The following TTLL5 variants were observed in gnomAD, a reference collection of about 807,000 sequenced individuals.
TTLL5 encodes the protein tubulin polyglutamylase TTLL5.
In TTLL5, 132 loss-of-function variants were observed where a neutral mutation model predicts 168.4. That is an observed-to-expected ratio of 0.78 (90% CI 0.68 to 0.91). The LOEUF (loss-of-function observed/expected upper bound fraction) is 0.91. Ranked by LOEUF, TTLL5 falls within the 40% of genes least tolerant of loss-of-function variation. The pLI is 0.00. For synonymous variants in TTLL5, 546 were observed against 558.6 expected (o/e 0.98, Z 0.32); for missense variants, 1,545 against 1,581.5 (o/e 0.98, Z 0.39).
At chr14:75,725,009 TGACCCAGGCCTGGGATCATGGG>T (rs1368328538) in intron 12 of TTLL5, among the ~76,000 whole-genome samples, 2 of 152,220 alleles carry the variant, frequency 1.3e-5, no homozygotes, top group Non-Finnish European at 2.9e-5. Context: ...TCATGGGTTG[TGACCCAGGCCTGGGATCATGGG>T]GACAAGTTGT....
intron 31 of TTLL5, among the ~76,000 whole-genome samples, chr14:75,926,900 T>G (rs1347835482): frequency 1.3e-5 from 2 of 152,182 alleles, no homozygotes; most frequent in African/African-American, 4.8e-5. Context: ...GCCAAAAATG[T>G]GGAAACAACC....
At chr14:75,945,418 G>A (rs146600377) in intron 31 of TTLL5, among the ~76,000 whole-genome samples, 1,539 of 151,342 alleles carry the variant, frequency 0.01, 19 homozygotes, top group Non-Finnish European at 0.013. Flanking sequence ...CACCATGCTC[G>A]GCTGATTTTT....
intron 4 of TTLL5, 27 bp downstream of exon 4, chr14:75,681,654 G>A: frequency 6.3e-7 from 1 of 1,595,370 alleles, no homozygotes. Flanking sequence ...TACCTCACCT[G>A]ATCTGCTCAT....
chr14:75,876,684 A>C (rs891415912), intron 29 of TTLL5, among the ~76,000 whole-genome samples: 8 of 152,318 alleles, frequency 5.3e-5, no homozygotes, highest in African/African-American at 1.9e-4. Flanking sequence ...GAAAAGTTGT[A>C]CTGTTTCTCT....
intron 31 of TTLL5, among the ~76,000 whole-genome samples, chr14:75,914,922 C>T (rs888295851): frequency 5.3e-5 from 8 of 152,134 alleles, no homozygotes; most frequent in Admixed American, 3.9e-4. Flanking sequence ...TGTGCCCGGC[C>T]GATCGCTACT....
At chr14:75,810,334 A>T (rs1185356596) in intron 27 of TTLL5, among the ~76,000 whole-genome samples, 2 of 151,706 alleles carry the variant, frequency 1.3e-5, no homozygotes, top group Non-Finnish European at 2.9e-5. Context: ...TAACTAAATC[A>T]TCTTCTCTCT....
intron 2 of TTLL5, among the ~76,000 whole-genome samples, chr14:75,667,591 T>C (rs1243318169): frequency 6.6e-6 from 1 of 152,068 alleles, no homozygotes; most frequent in African/African-American, 2.4e-5. Context: ...ACAATAAGCA[T>C]CCACATGCCA....
At chr14:75,864,065 G>A (rs2030297482) in intron 29 of TTLL5, among the ~76,000 whole-genome samples, 1 of 151,998 alleles carries the variant, frequency 6.6e-6, no homozygotes, top group African/African-American at 2.4e-5. Context: ...TGAAAGTGAT[G>A]CTTAACCAGT....
intron 31 of TTLL5, chr14:75,906,764 G>A (rs1164796078): frequency 8.2e-6 from 8 of 971,360 alleles, no homozygotes; most frequent in African/African-American, 1.8e-5. Flanking sequence ...ACCAAAAGAA[G>A]TTCTAGCTTC....
At position 75,669,462 on chromosome 14, in the gene TTLL5, G is replaced by C. The variant is rs1230784740; in HGVS notation, c.121G>C (p.Val41Leu). The change falls in exon 3 of 32, where the codon GTT becomes CTT. Residue 41 changes from valine (V) to leucine (L), a missense_variant. Transcript: ENST00000298832. The part of the protein sequence containing the change: ...MWTGGCRRIP[V>L]LVFHADAILT... Reference sequence around the variant, plus strand: ...GACTGGAGGCTGCAGGAGAATTCCAGTTTTGGTATTCCATGCCGACGCTAT... The same window carrying C: ...GACTGGAGGCTGCAGGAGAATTCCACTTTTGGTATTCCATGCCGACGCTAT... 6.2e-7 allele frequency: 1 copy of C among 1,614,036 alleles called. No individual in the cohort carries two copies. The highest frequency in any genetic ancestry group is 8.5e-7 in the Non-Finnish European group (1 of 1,179,988).
intron 18 of TTLL5, among the ~76,000 whole-genome samples, chr14:75,756,067 A>G (rs1890243004): frequency 1.4e-5 from 2 of 142,846 alleles, no homozygotes; most frequent in Non-Finnish European, 3.0e-5. Flanking sequence ...CATGATTGCA[A>G]ATTACTGGAG....
intron 28 of TTLL5, among the ~76,000 whole-genome samples, chr14:75,859,085 G>A (rs1407640860): frequency 6.6e-6 from 1 of 152,176 alleles, no homozygotes; most frequent in Non-Finnish European, 1.5e-5. Context: ...GAGGAGGCTG[G>A]GAAGATGGAC....
At chr14:75,685,368 T>A (rs1884962999) in intron 5 of TTLL5, among the ~76,000 whole-genome samples, 1 of 142,804 alleles carries the variant, frequency 7.0e-6, no homozygotes, top group Non-Finnish European at 1.5e-5. Context: ...ACAGAGAGAC[T>A]CTGTCTCAAA....
chr14:75,761,003 A>G (rs1287123471), intron 18 of TTLL5, among the ~76,000 whole-genome samples: 1 of 152,174 alleles, frequency 6.6e-6, no homozygotes, highest in Non-Finnish European at 1.5e-5. Flanking sequence ...AAGGATTGAT[A>G]TCTAGGAACT....
intron 9 of TTLL5, among the ~76,000 whole-genome samples, chr14:75,716,558 A>G (rs536192545): frequency 3.3e-5 from 5 of 152,278 alleles, no homozygotes; most frequent in East Asian, 1.9e-4. Context: ...GAGTAAGCAT[A>G]TGTAAATAAT....
At chr14:75,758,954 GTTTGT>G (rs1890456971) in intron 18 of TTLL5, among the ~76,000 whole-genome samples, 2 of 152,200 alleles carry the variant, frequency 1.3e-5, no homozygotes, top group Admixed American at 1.3e-4. Flanking sequence ...CTGTTCTAAT[GTTTGT>G]TTTAAGAAAC....
intron 14 of TTLL5, 88 bp downstream of exon 14, chr14:75,734,138 C>A: frequency 7.8e-7 from 1 of 1,279,946 alleles, no homozygotes; most frequent in Non-Finnish European, 1.1e-6. Context: ...TGCCAACTGG[C>A]AGGTCCTAAG....
chr14:75,909,411 A>G (rs905708992), intron 31 of TTLL5, among the ~76,000 whole-genome samples: 6 of 150,622 alleles, frequency 4.0e-5, no homozygotes, highest in Non-Finnish European at 7.4e-5. Flanking sequence ...TGCCTTTCCT[A>G]TGGAAGCCCC....
chr14:75,937,624 G>A (rs1294760815), intron 31 of TTLL5, among the ~76,000 whole-genome samples: 1 of 152,048 alleles, frequency 6.6e-6, no homozygotes, highest in Non-Finnish European at 1.5e-5. Flanking sequence ...TACGGTATTT[G>A]TCATTTTGTG....
Sources: gnomAD v4.1 joint callset for allele counts (sites outside exome capture counted in the v4.1 genomes callset) on GRCh38, gnomAD v4.1.1 for gene constraint, MANE v1.5 for transcripts, NCBI Gene and HGNC (gene_info 2026-07-23, HGNC 2026-07-21) for gene names.